PHLDB1: variants seen among roughly 807,000 people sequenced by gnomAD.
PHLDB1 encodes the protein pleckstrin homology like domain family B member 1.
In PHLDB1, 65 loss-of-function variants were observed where a neutral mutation model predicts 139.3. The observed-to-expected ratio is 0.47, with a 90% CI of 0.38 to 0.57. The LOEUF is 0.57. Among genes scored for constraint, PHLDB1 ranks in the 20% least tolerant of loss-of-function variants. The pLI is 0.00. For synonymous variants in PHLDB1, 679 were observed against 734.5 expected (o/e 0.92, Z 1.22); for missense variants, 1,624 against 1,839.7 (o/e 0.88, Z 2.14).
rs988715252 is a variant in PHLDB1 at position 118,611,673 on chromosome 11, T to C, written c.-21-2143T>C. 3.9e-5 allele frequency among the ~76,000 whole-genome samples: 6 copies of C among 151,962 alleles called. No individual in the cohort carries two copies. The highest frequency in any genetic ancestry group is 1.5e-4 in the African/African-American group (6 of 41,376). On this transcript the variant is annotated intron_variant, in intron 1 of 22. Transcript: ENST00000600882. The surrounding 1 kb of genome is among the most constrained non-coding windows in gnomAD (Gnocchi z 4.7). Reference sequence around the variant, plus strand: ...GAGTTCGAGACCAGCCTGACCAACATGGAGAAACCCCGTCTCTACTAAAAA... The same window carrying C: ...GAGTTCGAGACCAGCCTGACCAACACGGAGAAACCCCGTCTCTACTAAAAA...
intron 20 of PHLDB1, chr11:118,651,137 CT>C (rs1295306420): frequency 6.5e-6 from 1 of 154,472 alleles, no homozygotes. Context: ...GCGTGGGATG[CT>C]GTGTTATACC....
chr11:118,633,690 C>T (rs1458575772), intron 9 of PHLDB1: 1 of 152,192 alleles, frequency 6.6e-6, no homozygotes, highest in Non-Finnish European at 1.5e-5. Flanking sequence ...CACTCCTGAG[C>T]CACCTATAAC....
chr11:118,627,480 C>T lies in PHLDB1; in HGVS notation c.657C>T (p.Thr219=). 1.2e-6 allele frequency: 2 copies of T among 1,614,210 alleles called. No individual in the cohort carries two copies. The highest frequency in any genetic ancestry group is 1.7e-6 in the Non-Finnish European group (2 of 1,180,024). ...PGAAGKKPAA[T]SPLSPMANGG... ...CTGCTGGCAAGAAGCCTGCCGCAAC[C>T]TCTCCACTGTCACCGATGGCTAATG... Residue 219 remains threonine, a synonymous_variant, in exon 6 of 23, where the codon ACC becomes ACT. Transcript: ENST00000600882.
intron 12 of PHLDB1, chr11:118,641,858 C>T: frequency 8.5e-7 from 1 of 1,182,666 alleles, no homozygotes; most frequent in Non-Finnish European, 1.1e-6. Context: ...TCCTGCTCAC[C>T]TGGCCTCTTG....
At chr11:118,616,338 C>G (rs1362148332) in intron 4 of PHLDB1, 127 bp downstream of exon 4, 1 of 768,208 alleles carries the variant, frequency 1.3e-6, no homozygotes, top group Non-Finnish European at 2.1e-6. Context: ...GAATGGAGTA[C>G]TCAGGTGCAT....
intron 4 of PHLDB1, 83 bp from the exon 5 acceptor site, chr11:118,624,851 C>A: frequency 2.8e-6 from 4 of 1,439,048 alleles, no homozygotes; most frequent in Non-Finnish European, 3.9e-6. Flanking sequence ...CTCAGGTGAT[C>A]CACCCTCCTC....
chr11:118,639,691 C>A, intron 12 of PHLDB1: 1 of 267,092 alleles, frequency 3.7e-6, no homozygotes, highest in Non-Finnish European at 6.2e-6. Context: ...TGGTTCTTCC[C>A]CAAGTCTGTA....
intron 1 of PHLDB1, 29 bp from the exon 2 acceptor site, chr11:118,613,787 C>T (rs782325192): frequency 2.7e-6 from 4 of 1,471,544 alleles, no homozygotes; most frequent in Admixed American, 3.4e-5. Context: ...CTGGCCTCCC[C>T]ACTCACCACC....
chr11:118,627,978 G>A lies in PHLDB1; in HGVS notation c.1155G>A (p.Gln385=), dbSNP rs1555104652. 1 of 1,613,856 alleles carries A rather than the reference G, an allele frequency of 6.2e-7. No individual in the cohort carries two copies. The highest frequency in any genetic ancestry group is 2.2e-5 in the East Asian group (1 of 44,864). Residue 385 remains glutamine, a synonymous_variant, in exon 6 of 23, where the codon CAG becomes CAA. Transcript: ENST00000600882. The part of the protein sequence containing the change: ...PTSIPGSPKF[Q]PPVPAPRNKI... The stretch of plus-strand genomic sequence containing the variant: ...GCATTCCTGGCAGCCCCAAGTTTCA[G>A]CCTCCAGTCCCTGCTCCCCGAAACA...
At chr11:118,635,597 T>A in intron 10 of PHLDB1, 49 bp downstream of exon 10, 1 of 1,437,326 alleles carries the variant, frequency 7.0e-7, no homozygotes, top group Non-Finnish European at 9.2e-7. Context: ...GCCAGTGACC[T>A]GGGTTTGAAT....
Position 118,632,184 on chromosome 11 carries a change from A to G in PHLDB1, c.2267A>G (p.Gln756Arg). ...GCCGAAATGGAGCGGGCACTGCTGCAGGGAGAGAGGGAGGCAGAGCGGGCA... is the reference window on the plus strand; with the variant it reads ...GCCGAAATGGAGCGGGCACTGCTGCGGGGAGAGAGGGAGGCAGAGCGGGCA... ...REAEMERALLQGEREAERALL... is the reference protein window; with the variant it reads ...REAEMERALLRGEREAERALL... The change falls in exon 9 of 23, where the codon CAG becomes CGG. Residue 756 changes from glutamine (Q) to arginine (R), a missense_variant. Coordinates refer to ENST00000600882, the MANE Select transcript of PHLDB1 (RefSeq NM_001144758.3). This position sits in a 1 kb window ranked among gnomAD's most constrained non-coding sequence, Gnocchi z 5.9. The G allele has an allele frequency of 6.2e-7, 1 of 1,614,052 alleles. No individual in the cohort carries two copies. The highest frequency in any genetic ancestry group is 8.5e-7 in the Non-Finnish European group (1 of 1,179,954).
chr11:118,628,209 A>T lies in PHLDB1; in HGVS notation c.1386A>T (p.Pro462=), dbSNP rs1555105474. 1.2e-6 allele frequency: 2 copies of T among 1,613,870 alleles called. No individual in the cohort carries two copies. Among genetic ancestry groups the T allele is most frequent in the East Asian group, 2.2e-5 (1 of 44,840 alleles). ...TGCGAGAACTACCCCCCTTAAGTCC[A>T]TCTCTGTCCCGGCGAGCTCTCTCCC... The part of the protein sequence containing the change: ...DSMRELPPLS[P]SLSRRALSPL... Residue 462 remains proline (P), a synonymous_variant, in exon 6 of 23, where the codon CCA becomes CCT. Transcript: ENST00000600882.
chr11:118,614,457 T>C, intron 2 of PHLDB1, 102 bp from the exon 3 acceptor site: 7 of 1,337,900 alleles, frequency 5.2e-6, no homozygotes, highest in Non-Finnish European at 7.3e-6. Flanking sequence ...CTCAGAGCCC[T>C]TCGGAGAGGG....
Position 118,608,508 on chromosome 11 carries a change from G to C in PHLDB1, c.-22+809G>C, listed in dbSNP as rs11216928. Among the ~76,000 whole-genome samples the C allele has an allele frequency of 6.6e-6, 1 of 152,112 alleles. No individual in the cohort carries two copies. Among genetic ancestry groups the C allele is most frequent in the Non-Finnish European group, 1.5e-5 (1 of 67,982 alleles). ...CTAGCGCTTCCGCCGAGGCAGGCTC[G>C]AGTGGGGACTTGGCCGGGCGACCGC... On this transcript the variant is annotated intron_variant, in intron 1 of 22. Coordinates refer to ENST00000600882, the MANE Select transcript of PHLDB1 (RefSeq NM_001144758.3). This position sits in a 1 kb window ranked among gnomAD's most constrained non-coding sequence, Gnocchi z 6.7.
At position 118,631,346 on chromosome 11, in the gene PHLDB1, G is replaced by T. The variant is rs782526292; in HGVS notation, c.1967G>T (p.Gly656Val). 6.5e-7 allele frequency: 1 copy of T among 1,538,198 alleles called. No homozygotes were observed. Among genetic ancestry groups the T allele is most frequent in the Non-Finnish European group, 8.7e-7 (1 of 1,143,954 alleles). Residue 656 changes from glycine (G) to valine (V), a missense_variant, in exon 7 of 23, where the codon GGC (glycine) becomes GTC (valine). Coordinates refer to ENST00000600882, the MANE Select transcript of PHLDB1 (RefSeq NM_001144758.3). The part of the protein sequence containing the change: ...LALAGRRPSR[G>V]LAGASGRSSE... The stretch of plus-strand genomic sequence containing the variant: ...CTGGCAGGCCGGAGGCCCTCACGAG[G>T]CCTTGCAGGGGCCTCTGGGCGGAGC...
At chr11:118,642,535 T>G in intron 13 of PHLDB1, 141 bp downstream of exon 13, 1 of 986,132 alleles carries the variant, frequency 1.0e-6, no homozygotes, top group Admixed American at 2.5e-5. Context: ...CTCTGGGCCC[T>G]GAGAGGGTCA....
chr11:118,628,487 G>A lies in PHLDB1; in HGVS notation c.1664G>A (p.Ser555Asn). 1 of 1,613,224 alleles carries A rather than the reference G, an allele frequency of 6.2e-7. No individual in the cohort carries two copies. Residue 555 changes from serine to asparagine, a missense_variant, in exon 6 of 23, where the codon AGT becomes AAT. Coordinates refer to ENST00000600882, the MANE Select transcript of PHLDB1 (RefSeq NM_001144758.3). ...GSLTGASPCQSPCVQRKLSSG... is the reference protein window; with the variant it reads ...GSLTGASPCQNPCVQRKLSSG... ...CTTACTGGGGCTTCACCCTGCCAGA[G>A]TCCCTGTGTCCAGAGGAAGCTCTCC...
At chr11:118,614,472 G>A in intron 2 of PHLDB1, 87 bp from the exon 3 acceptor site, 2 of 1,476,180 alleles carry the variant, frequency 1.4e-6, no homozygotes, top group Non-Finnish European at 1.9e-6. Flanking sequence ...AGAGGGGCGA[G>A]GGCTGGAGAG....
chr11:118,611,825 A>AT lies in PHLDB1; in HGVS notation c.-21-1991_-21-1990insT, dbSNP rs33943508. On this transcript the variant is annotated intron_variant, in intron 1 of 22. Transcript: ENST00000600882. The surrounding 1 kb of genome is among the most constrained non-coding windows in gnomAD (Gnocchi z 4.7). ...AAGAGTGAAACTCCGTCTCAAAAAA[A>AT]AAAAAAAAATAATAATAATAATAAT... Among the ~76,000 whole-genome samples the AT allele has an allele frequency of 0.035, 4,986 of 142,926 alleles. 285 individuals are homozygous for AT. Among genetic ancestry groups the AT allele is most frequent in the African/African-American group, 0.12 (4,625 of 40,008 alleles). The allele number at this position is 142,926 out of a possible 152,430, so 93.8% of individuals were successfully genotyped here.
Sources: gnomAD v4.1 joint callset for allele counts (sites outside exome capture counted in the v4.1 genomes callset) on GRCh38, gnomAD v4.1.1 for gene constraint, Gnocchi (gnomAD v3.1) non-coding constraint, MANE v1.5 for transcripts, NCBI Gene and HGNC (gene_info 2026-07-23, HGNC 2026-07-21) for gene names.